Variants in IPO11 observed in about 807,000 individuals in gnomAD.
The protein encoded by IPO11 is importin-11.
In IPO11, 66 loss-of-function variants were observed where a neutral mutation model predicts 143.2. The observed-to-expected ratio is 0.46, with a 90% CI of 0.38 to 0.57. The LOEUF is 0.57. Ranked by LOEUF, IPO11 falls within the 20% of genes least tolerant of loss-of-function variation. The probability of loss-of-function intolerance (pLI) is 0.00; values close to 1 mark genes in which losing one functional copy is unlikely to be tolerated. For missense variants in IPO11, 1,026 were observed against 1,141.0 expected (o/e 0.90, Z 1.45); for synonymous variants, 385 against 377.8 (o/e 1.02, Z -0.22).
intron 12 of IPO11, among the ~76,000 whole-genome samples, chr5:62,487,199 T>G (rs1746437631): frequency 6.6e-6 from 1 of 152,184 alleles, no homozygotes; most frequent in Non-Finnish European, 1.5e-5. Flanking sequence ...CCGCTTGTGT[T>G]TGTTAAGAGA....
chr5:62,541,634 T>G (rs901667912), intron 24 of IPO11, among the ~76,000 whole-genome samples: 2 of 151,976 alleles, frequency 1.3e-5, no homozygotes, highest in African/African-American at 4.8e-5. Flanking sequence ...TGAGCTGAGA[T>G]TGTGCCACTA....
intron 27 of IPO11, among the ~76,000 whole-genome samples, chr5:62,589,833 C>A (rs1324088209): frequency 1.3e-5 from 2 of 152,116 alleles, no homozygotes; most frequent in African/African-American, 4.8e-5. Flanking sequence ...AAATTGATGT[C>A]ATCTGTCCAT....
intron 7 of IPO11, among the ~76,000 whole-genome samples, chr5:62,472,219 A>G (rs1249884524): frequency 6.6e-6 from 1 of 152,210 alleles, no homozygotes; most frequent in Non-Finnish European, 1.5e-5. Flanking sequence ...GGTAGAAGCA[A>G]TATGTCAAAG....
chr5:62,622,281 G>A (rs1327572403), intron 29 of IPO11, among the ~76,000 whole-genome samples: 1 of 152,126 alleles, frequency 6.6e-6, no homozygotes, highest in Non-Finnish European at 1.5e-5. Context: ...AGAATCACTA[G>A]GAGTAGGACT....
rs772280408 is a variant in IPO11, at chr5:62,506,276, A to G, written c.1701A>G (p.Leu567=). Residue 567 remains leucine (L), a synonymous_variant, in exon 19 of 30, where the codon TTA becomes TTG. Coordinates refer to ENST00000325324, the MANE Select transcript of IPO11 (RefSeq NM_016338.5). ...CCATGTTCACACTACTTTTTCAGTTACTGCAGCAAGTTACAGAATGTGACA... is the reference window on the plus strand; with the variant it reads ...CCATGTTCACACTACTTTTTCAGTTGCTGCAGCAAGTTACAGAATGTGACA... ...LETMFTLLFQ[L]LQQVTECDTK... is the part of the protein sequence containing the mutation. 1.2e-6 allele frequency: 2 copies of G among 1,610,160 alleles called. No individual in the cohort carries two copies. The highest frequency in any genetic ancestry group is 1.1e-5 in the South Asian group (1 of 90,654).
intron 22 of IPO11, among the ~76,000 whole-genome samples, 157 bp downstream of exon 22, chr5:62,530,942 C>A (rs578090795): frequency 6.6e-6 from 1 of 152,058 alleles, no homozygotes; most frequent in Non-Finnish European, 1.5e-5. Context: ...GGATATATTG[C>A]GTGATGTTGA....
At chr5:62,452,461 A>C (rs1744967942) in intron 5 of IPO11, among the ~76,000 whole-genome samples, 1 of 150,890 alleles carries the variant, frequency 6.6e-6, no homozygotes, top group Non-Finnish European at 1.5e-5. Context: ...CAAAGGAAGT[A>C]GTTCGGATGA....
chr5:62,529,574 A>C lies in IPO11; in HGVS notation c.2013-1135A>C, dbSNP rs202115868. ...TCAGTGCTATGTTTAACAATTTAAAAATTGTTTTCATTGCACTGGAATGAT... is the reference window on the plus strand; with the variant it reads ...TCAGTGCTATGTTTAACAATTTAAACATTGTTTTCATTGCACTGGAATGAT... On this transcript the variant is annotated intron_variant, in intron 21 of 29. Transcript: ENST00000325324. Among the ~76,000 whole-genome samples the C allele has an allele frequency of 1.5e-4, 23 of 152,246 alleles. No individual in the cohort carries two copies. The East Asian group carries it at 4.4e-3, about 29-fold the overall frequency.
chr5:62,472,468 C>G (rs1580218626), intron 7 of IPO11, among the ~76,000 whole-genome samples: 2 of 151,630 alleles, frequency 1.3e-5, no homozygotes, highest in South Asian at 4.2e-4. Context: ...TTAAGTACAT[C>G]AGTCAATTAG....
At chr5:62,626,174 C>T (rs982994295) in intron 29 of IPO11, among the ~76,000 whole-genome samples, 2 of 152,134 alleles carry the variant, frequency 1.3e-5, no homozygotes, top group Admixed American at 1.3e-4. Flanking sequence ...GGACTACAGG[C>T]GTGCACCACC....
chr5:62,485,245 A>T (rs1002123580), intron 11 of IPO11, among the ~76,000 whole-genome samples, 174 bp from the exon 12 acceptor site: 3 of 152,218 alleles, frequency 2.0e-5, no homozygotes, highest in African/African-American at 7.2e-5. Flanking sequence ...GAGATACACA[A>T]CTGTGATCTG....
At chr5:62,566,361 G>A (rs1043574070) in intron 27 of IPO11, among the ~76,000 whole-genome samples, 9 of 152,096 alleles carry the variant, frequency 5.9e-5, no homozygotes, top group African/African-American at 2.2e-4. Flanking sequence ...GTTCTGATTT[G>A]CATTTCTCTA....
chr5:62,565,672 T>C (rs1405084282), intron 27 of IPO11, among the ~76,000 whole-genome samples: 1 of 152,166 alleles, frequency 6.6e-6, no homozygotes, highest in Non-Finnish European at 1.5e-5. Context: ...TTTCATACTT[T>C]AAGTTCCAGG....
chr5:62,491,237 T>TAA (rs1281240869), intron 15 of IPO11, among the ~76,000 whole-genome samples: 1 of 152,258 alleles, frequency 6.6e-6, no homozygotes, highest in Non-Finnish European at 1.5e-5. Flanking sequence ...GGAGATACTC[T>TAA]AAAAGTAATT....
intron 1 of IPO11, among the ~76,000 whole-genome samples, chr5:62,417,819 C>T (rs993859866): frequency 6.6e-6 from 1 of 152,162 alleles, no homozygotes; most frequent in African/African-American, 2.4e-5. Context: ...ATGTCAAAAA[C>T]GTTGTGTATT....
At position 62,426,157 on chromosome 5, in the gene IPO11, C is replaced by T. The variant is rs542557428; in HGVS notation, c.-6-11117C>T. 3.7e-4 allele frequency among the ~76,000 whole-genome samples: 57 copies of T among 152,240 alleles called. 1 individual carries two copies. In the South Asian group the frequency reaches 7.3e-3, roughly 19 times the overall value. On this transcript the variant is annotated intron_variant, in intron 1 of 29. Coordinates refer to ENST00000325324, the MANE Select transcript of IPO11 (RefSeq NM_016338.5). ...ATCCCAGCACTTTGGGAGGCCAAGG[C>T]GGGTGGATCACCTGAGGTCAGGAGT... is the stretch of plus-strand genomic sequence containing the variant.
chr5:62,502,700 C>T (rs1424837779), intron 16 of IPO11, among the ~76,000 whole-genome samples: 1 of 152,116 alleles, frequency 6.6e-6, no homozygotes, highest in Admixed American at 6.5e-5. Flanking sequence ...TGTTATGGCT[C>T]GGGGTTGAGT....
In IPO11 at chr5:62,449,917, T is replaced by G; in HGVS notation, c.240-10T>G. The G allele has an allele frequency of 6.5e-7, 1 of 1,548,872 alleles. No homozygotes were observed. Among genetic ancestry groups the G allele is most frequent in the Non-Finnish European group, 8.7e-7 (1 of 1,149,288 alleles). On this transcript the variant is annotated splice_polypyrimidine_tract_variant and intron_variant, in intron 3 of 29. Coordinates refer to ENST00000325324, the MANE Select transcript of IPO11 (RefSeq NM_016338.5). The stretch of plus-strand genomic sequence containing the variant: ...TCTTTTGCATAATCAATACTTTTTT[T>G]TTTTTACAGTGCTCTCTCAGAGGAG...
chr5:62,467,749 T>C (rs1214995689), intron 6 of IPO11, among the ~76,000 whole-genome samples: 1 of 152,166 alleles, frequency 6.6e-6, no homozygotes, highest in African/African-American at 2.4e-5. Context: ...TTGGCCTGTG[T>C]CTTGGTATAT....
Sources: allele counts gnomAD v4.1 joint callset (sites outside exome capture counted in the v4.1 genomes callset), GRCh38; gene constraint gnomAD v4.1.1; transcripts MANE v1.5; gene names NCBI Gene and HGNC (gene_info 2026-07-23, HGNC 2026-07-21).